The following SCN11A variants were observed in gnomAD, a reference collection of about 807,000 sequenced individuals.
SCN11A encodes sodium channel protein type 11 subunit alpha.
SCN11A carries 122 observed loss-of-function variants against 162.2 expected under a neutral mutation model. The observed-to-expected ratio is 0.75, with a 90% confidence interval of 0.65 to 0.87. SCN11A has a LOEUF of 0.87. Among genes scored for constraint, SCN11A ranks in the 40% least tolerant of loss-of-function variants. The probability of loss-of-function intolerance (pLI) is 0.00; values close to 1 mark genes in which losing one functional copy is unlikely to be tolerated. For missense variants in SCN11A, 2,015 were observed against 2,181.6 expected, an observed-to-expected ratio of 0.92 and a Z score of 1.52; for synonymous variants, 758 against 751.5, an observed-to-expected ratio of 1.01 and a Z score of -0.14.
At chr3:38,902,782 G>T (rs150237717) in intron 16 of SCN11A, among the ~76,000 whole-genome samples, 2,417 of 151,776 alleles carry the variant, frequency 0.016, 65 homozygotes, top group African/African-American at 0.056. Context: ...CTCCCAAAGT[G>T]TTGGGATTAC....
chr3:38,963,482 T>C (rs2066760826), intron 2 of SCN11A, among the ~76,000 whole-genome samples: 1 of 145,014 alleles, frequency 6.9e-6, no homozygotes, highest in Non-Finnish European at 1.5e-5. Context: ...GAGATATATA[T>C]ATATGATGGA....
At chr3:38,850,346 CT>C in intron 29 of SCN11A, 134 bp downstream of exon 29, 1 of 748,710 alleles carries the variant, frequency 1.3e-6, no homozygotes, top group Non-Finnish European at 2.2e-6. Context: ...ATTAGTACCC[CT>C]GTCTATTCTT....
chr3:38,932,020 T>C (rs190476739), intron 7 of SCN11A, among the ~76,000 whole-genome samples: 1 of 152,232 alleles, frequency 6.6e-6, no homozygotes, highest in Admixed American at 6.5e-5. Flanking sequence ...CCAAGTCAGA[T>C]ACCACAAATG....
At chr3:38,886,581 C>T (rs939549106) in intron 19 of SCN11A, among the ~76,000 whole-genome samples, 5 of 152,040 alleles carry the variant, frequency 3.3e-5, no homozygotes, top group Non-Finnish European at 7.4e-5. Context: ...TCTTTCAATT[C>T]AATGGCTAGA....
Position 38,943,927 on chromosome 3 carries a change from T to G in SCN11A, c.488+1484A>C, listed in dbSNP as rs534986604. Among the ~76,000 whole-genome samples, 37 of 152,318 alleles carry G rather than the reference T, an allele frequency of 2.4e-4. 1 individual carries two copies. In the South Asian group the frequency reaches 7.7e-3, roughly 32 times the overall value. On this transcript the variant is annotated intron_variant, in intron 7 of 29. Coordinates refer to ENST00000302328, the MANE Select transcript of SCN11A (RefSeq NM_001349253.2). ...AGTGGGATGACTATTTAGTTAATAA[T>G]AATTTATTGTATATTTCAAAATAGC...
intron 2 of SCN11A, among the ~76,000 whole-genome samples, chr3:39,032,031 G>T (rs751516909): frequency 8.5e-5 from 13 of 152,124 alleles, no homozygotes; most frequent in Non-Finnish European, 1.6e-4. Context: ...AAAAGGAGTG[G>T]ATTAATCTCT....
At chr3:38,883,175 G>A (rs1559505819) in intron 22 of SCN11A, 58 bp downstream of exon 22, 5 of 1,496,632 alleles carry the variant, frequency 3.3e-6, no homozygotes, top group East Asian at 4.5e-5. Flanking sequence ...CCAAGTCAGA[G>A]TGCAGCTTCC....
intron 18 of SCN11A, 67 bp from the exon 19 acceptor site, chr3:38,895,031 AG>A (rs1281969190): frequency 4.0e-5 from 57 of 1,435,884 alleles, no homozygotes; most frequent in Non-Finnish European, 5.0e-5. Context: ...GTGGGTTTCC[AG>A]GACAACTTTT....
At chr3:38,937,621 A>G (rs1218605416) in intron 7 of SCN11A, among the ~76,000 whole-genome samples, 18 of 151,418 alleles carry the variant, frequency 1.2e-4, no homozygotes, top group African/African-American at 4.1e-4. Flanking sequence ...CACATGAAAA[A>G]ATGCTCACCA....
chr3:38,984,753 C>T (rs551892178), intron 2 of SCN11A, among the ~76,000 whole-genome samples: 10 of 152,248 alleles, frequency 6.6e-5, no homozygotes, highest in African/African-American at 2.2e-4. Flanking sequence ...TCAGGTGATC[C>T]GCCCACCTTG....
At chr3:38,929,685 T>G (rs2066208431) in intron 7 of SCN11A, among the ~76,000 whole-genome samples, 1 of 152,298 alleles carries the variant, frequency 6.6e-6, no homozygotes, top group South Asian at 2.1e-4. Flanking sequence ...TTGGCATTAT[T>G]ATGGTATTAA....
Position 38,935,231 on chromosome 3 carries a change from G to T in SCN11A, c.489-8300C>A, listed in dbSNP as rs2066311481. Among the ~76,000 whole-genome samples the T allele has an allele frequency of 1.3e-5, 2 of 151,942 alleles. 1 individual carries two copies. The highest frequency in any genetic ancestry group is 4.2e-4 in the South Asian group (2 of 4,788). On this transcript the variant is annotated intron_variant, in intron 7 of 29. Transcript: ENST00000302328. ...CTCTGGGACACATTCAAAGCAGTGT[G>T]TAGAGGGAAATTTATAGCACTAAAT...
intron 1 of SCN11A, among the ~76,000 whole-genome samples, chr3:39,041,059 G>A (rs924726233): frequency 1.5e-4 from 23 of 152,166 alleles, no homozygotes; most frequent in African/African-American, 5.3e-4. Context: ...TCCGGCCTGG[G>A]CGAAAGAGCA....
intron 2 of SCN11A, among the ~76,000 whole-genome samples, chr3:38,985,294 ATTT>A (rs898413903): frequency 6.7e-6 from 1 of 148,582 alleles, no homozygotes; most frequent in African/African-American, 2.6e-5. Context: ...CGCCCGGCTA[ATTT>A]TTTTTTGTAT....
chr3:38,983,779 A>T (rs986268423), intron 2 of SCN11A, among the ~76,000 whole-genome samples: 3 of 152,362 alleles, frequency 2.0e-5, no homozygotes. Flanking sequence ...ATCTCTATTT[A>T]AAAAACAAAA....
intron 28 of SCN11A, among the ~76,000 whole-genome samples, chr3:38,853,587 T>C (rs1332601057): frequency 6.6e-6 from 1 of 152,230 alleles, no homozygotes; most frequent in African/African-American, 2.4e-5. Flanking sequence ...GTTTGTGCCT[T>C]AAAACATATT....
At chr3:38,900,583 A>T (rs545673869) in intron 16 of SCN11A, among the ~76,000 whole-genome samples, 3 of 151,756 alleles carry the variant, frequency 2.0e-5, no homozygotes, top group Non-Finnish European at 2.9e-5. Context: ...AAATAAAAAC[A>T]AAAAAGGGGC....
At position 38,913,593 on chromosome 3, in the gene SCN11A, T is replaced by C. The variant is rs544447758; in HGVS notation, c.960-3386A>G. Among the ~76,000 whole-genome samples, 16 of 152,338 alleles carry C rather than the reference T, an allele frequency of 1.1e-4. No homozygotes were observed. The East Asian group carries it at 2.3e-3, about 22-fold the overall frequency. ...CCCATTTCTATGTCCAGAATGGTAT[T>C]GCATAGGTTGTCTTCCAGAGTTTTT... On this transcript the variant is annotated intron_variant, in intron 11 of 29. Transcript: ENST00000302328.
chr3:39,051,875 A>C lies in SCN11A; in HGVS notation c.-418T>G, dbSNP rs2032396360. 1.1e-6 allele frequency: 1 copy of C among 880,066 alleles called. No homozygotes were observed. The highest frequency in any genetic ancestry group is 1.8e-6 in the Non-Finnish European group (1 of 557,930). The allele number at this position is 880,066 out of a possible 1,614,324, so 54.5% of individuals were successfully genotyped here. On this transcript the variant is annotated 5_prime_UTR_variant, in exon 1 of 30. Coordinates refer to ENST00000302328, the MANE Select transcript of SCN11A (RefSeq NM_001349253.2). ...GGTGCATCTACCTCATCACATGGCTACCGGCCACACAGCAACTAACAGCAC... is the reference window on the plus strand; with the variant it reads ...GGTGCATCTACCTCATCACATGGCTCCCGGCCACACAGCAACTAACAGCAC...
Sources: allele counts gnomAD v4.1 joint callset (sites outside exome capture counted in the v4.1 genomes callset), GRCh38; gene constraint gnomAD v4.1.1; transcripts MANE v1.5; gene names NCBI Gene and HGNC (gene_info 2026-07-23, HGNC 2026-07-21).